The following HCRTR2 variants were observed in gnomAD, a reference collection of about 807,000 sequenced individuals.
HCRTR2 encodes the protein hypocretin receptor 2.
In HCRTR2, 22 loss-of-function variants were observed where a neutral mutation model predicts 49.0. That is an observed-to-expected ratio of 0.45 (90% CI 0.32 to 0.64). The LOEUF (loss-of-function observed/expected upper bound fraction) is 0.64. Among genes scored for constraint, HCRTR2 ranks in the 30% least tolerant of loss-of-function variants. The probability of loss-of-function intolerance (pLI) is 0.04; values close to 1 mark genes in which losing one functional copy is unlikely to be tolerated. For missense variants in HCRTR2, 491 were observed against 559.4 expected (o/e 0.88, Z 1.23); for synonymous variants, 236 against 205.3 (o/e 1.15, Z -1.28).
At chr6:55,142,284 T>A (rs1764518199) in intron 1 of HCRTR2, among the ~76,000 whole-genome samples, 1 of 151,194 alleles carries the variant, frequency 6.6e-6, no homozygotes. Flanking sequence ...GCAAGCTCCC[T>A]CTCCTGGGTT....
chr6:55,243,002 C>T (rs1766363736), intron 1 of HCRTR2, among the ~76,000 whole-genome samples: 1 of 152,116 alleles, frequency 6.6e-6, no homozygotes, highest in South Asian at 2.1e-4. Context: ...ATCATGGCTG[C>T]AGATGTTTTC....
intron 1 of HCRTR2, among the ~76,000 whole-genome samples, chr6:55,185,137 C>A (rs1279523441): frequency 6.6e-6 from 1 of 152,098 alleles, no homozygotes; most frequent in African/African-American, 2.4e-5. Flanking sequence ...AACTTAGCAT[C>A]CTCAATTATA....
chr6:55,232,775 A>G (rs1475789256), intron 1 of HCRTR2, among the ~76,000 whole-genome samples: 2 of 152,232 alleles, frequency 1.3e-5, no homozygotes, highest in African/African-American at 4.8e-5. Flanking sequence ...TAAAATAGGT[A>G]CAAGTATCTC....
At chr6:55,108,271 C>T (rs981668691) in intron 1 of HCRTR2, among the ~76,000 whole-genome samples, 2 of 152,058 alleles carry the variant, frequency 1.3e-5, no homozygotes, top group Admixed American at 6.6e-5. Flanking sequence ...GCAGCTCCCA[C>T]TCGGATGGAC....
chr6:55,125,048 G>C (rs1329405250), intron 1 of HCRTR2, among the ~76,000 whole-genome samples: 1 of 151,652 alleles, frequency 6.6e-6, no homozygotes, highest in Non-Finnish European at 1.5e-5. Flanking sequence ...CACATTGATG[G>C]GTCTTGACTC....
chr6:55,164,078 C>T (rs921046723), intron 1 of HCRTR2, among the ~76,000 whole-genome samples: 20 of 152,056 alleles, frequency 1.3e-4, no homozygotes, highest in Non-Finnish European at 2.5e-4. Context: ...AGTGAGATAC[C>T]ATCTCACTCC....
intron 1 of HCRTR2, among the ~76,000 whole-genome samples, chr6:55,149,995 T>C (rs149651913): frequency 6.2e-4 from 95 of 152,150 alleles, no homozygotes; most frequent in African/African-American, 2.1e-3. Flanking sequence ...AAAGATTCTA[T>C]CTTTTACAGA....
intron 4 of HCRTR2, among the ~76,000 whole-genome samples, chr6:55,275,608 AT>A (rs3065694): frequency 0.012 from 1,550 of 133,004 alleles, 15 homozygotes; most frequent in African/African-American, 0.036. Context: ...TGAAAACTGT[AT>A]TTTTTTTTTT....
Position 55,174,942 on chromosome 6 carries a change from C to T in HCRTR2, c.223+132C>T, listed in dbSNP as rs951918676. The T allele has an allele frequency of 1.3e-5, 9 of 672,122 alleles. No individual in the cohort carries two copies. The Admixed American group carries it at 1.4e-4, about 10-fold the overall frequency. The allele number at this position is 672,122 out of a possible 1,614,324, so 41.6% of individuals were successfully genotyped here. The stretch of plus-strand genomic sequence containing the variant: ...GGTCGCTGCTCTCGGATGGGGTTTT[C>T]TAATAAAATAATAATAATAATAGAA... On this transcript the variant is annotated intron_variant, in intron 1 of 6. Coordinates refer to ENST00000370862, the MANE Select transcript of HCRTR2 (RefSeq NM_001384272.1).
intron 1 of HCRTR2, among the ~76,000 whole-genome samples, chr6:55,167,272 A>G (rs1245547497): frequency 1.3e-5 from 2 of 152,208 alleles, no homozygotes; most frequent in East Asian, 1.9e-4. Context: ...TTGCATTTGT[A>G]TTGGAGTAAA....
chr6:55,164,076 A>C (rs2127263913), intron 1 of HCRTR2, among the ~76,000 whole-genome samples: 1 of 152,342 alleles, frequency 6.6e-6, no homozygotes, highest in Non-Finnish European at 1.5e-5. Context: ...ACAGTGAGAT[A>C]CCATCTCACT....
intron 1 of HCRTR2, among the ~76,000 whole-genome samples, chr6:55,195,303 C>A (rs1446122440): frequency 6.6e-6 from 1 of 151,954 alleles, no homozygotes; most frequent in African/African-American, 2.4e-5. Context: ...TGAGGACTGA[C>A]AAAGTTTTAA....
chr6:55,187,938 G>A (rs146200768), intron 1 of HCRTR2, among the ~76,000 whole-genome samples: 32 of 151,960 alleles, frequency 2.1e-4, no homozygotes, highest in South Asian at 4.2e-4. Context: ...CACCATGCCC[G>A]GCTAATTTTT....
At chr6:55,153,691 A>G (rs1764692525) in intron 1 of HCRTR2, among the ~76,000 whole-genome samples, 6 of 151,992 alleles carry the variant, frequency 3.9e-5, no homozygotes, top group Admixed American at 3.9e-4. Flanking sequence ...TGCTTTGGTC[A>G]TTTGAGATCC....
At chr6:55,109,285 C>T (rs1764017414) in intron 1 of HCRTR2, among the ~76,000 whole-genome samples, 1 of 152,106 alleles carries the variant, frequency 6.6e-6, no homozygotes, top group Non-Finnish European at 1.5e-5. Flanking sequence ...GTCAGAAAAA[C>T]AATTCCTGTG....
intron 1 of HCRTR2, among the ~76,000 whole-genome samples, chr6:55,195,669 T>G (rs534236206): frequency 3.9e-5 from 6 of 152,212 alleles, no homozygotes; most frequent in South Asian, 4.2e-4. Context: ...CATTGTATGC[T>G]TATATAAAAA....
At chr6:55,263,375 G>A (rs933706067) in intron 3 of HCRTR2, among the ~76,000 whole-genome samples, 21 of 152,038 alleles carry the variant, frequency 1.4e-4, no homozygotes, top group African/African-American at 4.8e-4. Flanking sequence ...AATTAATTTT[G>A]TTAATTAGCC....
chr6:55,221,852 A>G (rs1393035078), intron 1 of HCRTR2, among the ~76,000 whole-genome samples: 1 of 151,980 alleles, frequency 6.6e-6, no homozygotes, highest in African/African-American at 2.4e-5. Context: ...TATGAAACTC[A>G]TAGAGAAAAA....
At chr6:55,283,703 T>C (rs1018889324), downstream of HCRTR2, among the ~76,000 whole-genome samples, 1 of 148,810 alleles carries the variant, frequency 6.7e-6, no homozygotes, top group African/African-American at 2.4e-5. Context: ...GATTTTCATC[T>C]CCTATTATGG....
Sources: gnomAD v4.1 joint callset for allele counts (sites outside exome capture counted in the v4.1 genomes callset) on GRCh38, gnomAD v4.1.1 for gene constraint, MANE v1.5 for transcripts, NCBI Gene and HGNC (gene_info 2026-07-23, HGNC 2026-07-21) for gene names.